Variants in MAP2 observed in about 807,000 individuals in gnomAD.
MAP2 encodes the protein microtubule-associated protein 2.
MAP2 carries 14 observed loss-of-function variants against 137.6 expected under a neutral mutation model. That is an observed-to-expected ratio of 0.10 (90% CI 0.07 to 0.16). MAP2 has a LOEUF of 0.16. Ranked by LOEUF, MAP2 falls within the 10% of genes least tolerant of loss-of-function variation. The pLI is 1.00. For synonymous variants in MAP2, 786 were observed against 782.3 expected, an observed-to-expected ratio of 1.00 and a Z score of -0.08; for missense variants, 2,088 against 2,191.5, an observed-to-expected ratio of 0.95 and a Z score of 0.94.
intron 2 of MAP2, among the ~76,000 whole-genome samples, chr2:209,542,196 C>T (rs542681196): frequency 3.9e-5 from 6 of 152,342 alleles, no homozygotes; most frequent in Non-Finnish European, 5.9e-5. Context: ...TGACCAGGTG[C>T]TTTGTCAATG....
intron 4 of MAP2, among the ~76,000 whole-genome samples, chr2:209,642,439 A>G (rs991359421): frequency 3.9e-5 from 6 of 151,906 alleles, no homozygotes; most frequent in African/African-American, 1.5e-4. Flanking sequence ...AAAAAAAAAA[A>G]AAAGAAAGAA....
intron 1 of MAP2, among the ~76,000 whole-genome samples, chr2:209,427,457 C>T (rs2028893): frequency 0.56 from 85,827 of 151,974 alleles, 26,088 homozygotes; most frequent in African/African-American, 0.79. Context: ...TATCTCTTTA[C>T]TATTGCCATT....
intron 13 of MAP2, among the ~76,000 whole-genome samples, chr2:209,712,930 TA>T (rs1305949179): frequency 6.6e-6 from 1 of 152,180 alleles, no homozygotes; most frequent in Non-Finnish European, 1.5e-5. Flanking sequence ...TTGATTTTCC[TA>T]AGGCACTTGA....
chr2:209,432,664 C>T (rs1393083253), intron 1 of MAP2, among the ~76,000 whole-genome samples: 2 of 152,116 alleles, frequency 1.3e-5, no homozygotes, highest in Non-Finnish European at 2.9e-5. Context: ...CATGTCTAAT[C>T]ATCCATCAGA....
chr2:209,713,238 A>G (rs1173040538), intron 13 of MAP2, among the ~76,000 whole-genome samples: 1 of 152,194 alleles, frequency 6.6e-6, no homozygotes, highest in Non-Finnish European at 1.5e-5. Flanking sequence ...GGAAATCTAT[A>G]ATAAAGATAT....
At chr2:209,546,556 A>C (rs1009748153) in intron 2 of MAP2, among the ~76,000 whole-genome samples, 1 of 152,210 alleles carries the variant, frequency 6.6e-6, no homozygotes, top group Non-Finnish European at 1.5e-5. Flanking sequence ...TTTGAGTCCC[A>C]GTTGCCTCAC....
At chr2:209,677,439 C>T (rs897362127) in intron 5 of MAP2, among the ~76,000 whole-genome samples, 1 of 145,888 alleles carries the variant, frequency 6.9e-6, no homozygotes, top group Admixed American at 6.7e-5. Flanking sequence ...GACAGACAGA[C>T]AGATAGATGT....
intron 3 of MAP2, among the ~76,000 whole-genome samples, chr2:209,583,147 G>GTCTGTCTGTCTATCTA (rs372013614): frequency 6.8e-6 from 1 of 147,262 alleles, no homozygotes; most frequent in African/African-American, 2.5e-5. Flanking sequence ...CTGTCTGTCT[G>GTCTGTCTGTCTATCTA]TCTATCTATC....
At chr2:209,557,604 T>C (rs941234743) in intron 2 of MAP2, among the ~76,000 whole-genome samples, 38 of 152,110 alleles carry the variant, frequency 2.5e-4, no homozygotes, top group African/African-American at 8.7e-4. Flanking sequence ...ACCAGAATAG[T>C]CTGTAAAATG....
chr2:209,580,823 C>A (rs1438478933), intron 3 of MAP2, among the ~76,000 whole-genome samples: 2 of 152,092 alleles, frequency 1.3e-5, no homozygotes, highest in Non-Finnish European at 2.9e-5. Flanking sequence ...TTTGAGATGG[C>A]AATTATGGAT....
intron 7 of MAP2, among the ~76,000 whole-genome samples, chr2:209,685,039 C>A (rs1054051954): frequency 6.6e-6 from 1 of 151,650 alleles, no homozygotes; most frequent in Non-Finnish European, 1.5e-5. Flanking sequence ...TCATTTAATC[C>A]TCCCAGCAAC....
intron 10 of MAP2, among the ~76,000 whole-genome samples, chr2:209,698,697 T>C (rs929756195): frequency 2.0e-5 from 3 of 152,192 alleles, no homozygotes; most frequent in African/African-American, 7.2e-5. Flanking sequence ...GAAGAATATA[T>C]CTGAAGCTAG....
chr2:209,589,881 CTGT>C (rs2078787492), intron 3 of MAP2, among the ~76,000 whole-genome samples: 1 of 152,152 alleles, frequency 6.6e-6, no homozygotes, highest in South Asian at 2.1e-4. Flanking sequence ...TGTGATTTGC[CTGT>C]TGTTAGGATA....
chr2:209,725,573 G>A (rs2073609267), intron 13 of MAP2, 136 bp from the exon 14 acceptor site: 1 of 471,582 alleles, frequency 2.1e-6, no homozygotes. Context: ...CTCTGTTTGT[G>A]TGTGTACTTC....
intron 5 of MAP2, among the ~76,000 whole-genome samples, chr2:209,669,332 T>A (rs1299183601): frequency 6.6e-6 from 1 of 152,046 alleles, no homozygotes; most frequent in Non-Finnish European, 1.5e-5. Flanking sequence ...ATTTTTCCCA[T>A]CACATGGTTC....
rs1232306505 is a variant in MAP2 at position 209,447,554 on chromosome 2, G to T, written c.-222+23278G>T. Among the ~76,000 whole-genome samples, 8 of 152,136 alleles carry T rather than the reference G, an allele frequency of 5.3e-5. No individual in the cohort carries two copies. In the South Asian group the frequency reaches 1.7e-3, roughly 31 times the overall value. ...CTAAAAATTTGAGTAGCCAGCAAAAGAAACGATAGCATTTTGTTTAGAGGA... is the reference window on the plus strand; with the variant it reads ...CTAAAAATTTGAGTAGCCAGCAAAATAAACGATAGCATTTTGTTTAGAGGA... On this transcript the variant is annotated intron_variant, in intron 1 of 15. Transcript: ENST00000682079.
intron 13 of MAP2, chr2:209,723,565 C>A (rs760576272): frequency 1.5e-6 from 2 of 1,319,534 alleles, no homozygotes; most frequent in South Asian, 2.4e-5. Context: ...TAGAAAAATG[C>A]ACAGTGAAGT....
chr2:209,595,757 A>G (rs925186656), intron 3 of MAP2, among the ~76,000 whole-genome samples: 1 of 152,246 alleles, frequency 6.6e-6, no homozygotes, highest in African/African-American at 2.4e-5. Flanking sequence ...TATATATACC[A>G]TGGAATACTA....
chr2:209,693,756 A>C lies in MAP2; in HGVS notation c.1586A>C (p.Glu529Ala), dbSNP rs373786563. ...KAMTEPSALI[E>A]KSSIQELFEM... ...ATGACCGAACCATCTGCATTAATTG[A>C]AAAGAGCTCAATTCAGGAACTTTTT... is the stretch of plus-strand genomic sequence containing the variant. The change falls in exon 8 of 16, where the codon GAA becomes GCA. Residue 529 changes from glutamate to alanine, a missense_variant. Coordinates refer to ENST00000682079, the MANE Select transcript of MAP2 (RefSeq NM_001375505.1). 6.2e-7 allele frequency: 1 copy of C among 1,613,796 alleles called. No homozygotes were observed. The highest frequency in any genetic ancestry group is 1.1e-5 in the South Asian group (1 of 90,990).
Sources: allele counts gnomAD v4.1 joint callset (sites outside exome capture counted in the v4.1 genomes callset), GRCh38; gene constraint gnomAD v4.1.1; transcripts MANE v1.5; gene names NCBI Gene and HGNC (gene_info 2026-07-23, HGNC 2026-07-21).